CTNNA2: variants seen among roughly 807,000 people sequenced by gnomAD.
CTNNA2 encodes catenin alpha-2.
Under a neutral mutation model 101.0 loss-of-function variants are expected in CTNNA2, and 42 were observed. That is an observed-to-expected ratio of 0.42 (90% CI 0.32 to 0.54). The LOEUF (loss-of-function observed/expected upper bound fraction) is 0.54, where lower values mean the gene tolerates loss of function less well. Among genes scored for constraint, CTNNA2 ranks in the 20% least tolerant of loss-of-function variants. CTNNA2 has a pLI of 0.14. For missense variants in CTNNA2, 871 were observed against 1,223.1 expected (o/e 0.71, Z 4.29); for synonymous variants, 450 against 456.4 (o/e 0.99, Z 0.18).
chr2:80,581,214 C>T (rs967675312), intron 13 of CTNNA2, among the ~76,000 whole-genome samples: 2 of 152,098 alleles, frequency 1.3e-5, no homozygotes, highest in African/African-American at 4.8e-5. Flanking sequence ...GGCTCATATT[C>T]AGGCAGTCTT....
At chr2:79,962,857 G>T (rs1460348800) in intron 7 of CTNNA2, among the ~76,000 whole-genome samples, 2 of 152,028 alleles carry the variant, frequency 1.3e-5, no homozygotes, top group Non-Finnish European at 2.9e-5. Context: ...GGATCACGAG[G>T]TCAGGAGATC....
At chr2:80,528,397 C>T (rs571449309) in intron 9 of CTNNA2, among the ~76,000 whole-genome samples, 2 of 152,176 alleles carry the variant, frequency 1.3e-5, no homozygotes, top group East Asian at 3.9e-4. Flanking sequence ...GGGGTTTCAC[C>T]GTGTTAGTCA....
At chr2:80,385,667 C>T (rs1016410830) in intron 7 of CTNNA2, among the ~76,000 whole-genome samples, 1 of 152,124 alleles carries the variant, frequency 6.6e-6, no homozygotes, top group African/African-American at 2.4e-5. Context: ...TCCAATTCTT[C>T]ATCCCTTTCT....
chr2:80,608,765 T>G (rs1467189606), intron 17 of CTNNA2, among the ~76,000 whole-genome samples: 1 of 151,868 alleles, frequency 6.6e-6, no homozygotes, highest in Non-Finnish European at 1.5e-5. Flanking sequence ...CAGGTTCCAA[T>G]GCATACTAGG....
At chr2:79,692,203 G>A (rs976765964) in intron 2 of CTNNA2, among the ~76,000 whole-genome samples, 3 of 152,038 alleles carry the variant, frequency 2.0e-5, no homozygotes, top group Admixed American at 6.6e-5. Flanking sequence ...TCAAAAAGTG[G>A]GTGAAGGATA....
intron 7 of CTNNA2, among the ~76,000 whole-genome samples, chr2:80,062,984 C>T (rs1021072455): frequency 8.5e-5 from 13 of 152,250 alleles, no homozygotes; most frequent in South Asian, 6.2e-4. Context: ...GGATTACAGG[C>T]GTGAGCCACC....
At chr2:80,539,349 G>T (rs1558564650) in intron 9 of CTNNA2, among the ~76,000 whole-genome samples, 1 of 138,818 alleles carries the variant, frequency 7.2e-6, no homozygotes. Flanking sequence ...GTTCTTTCTA[G>T]TTCTGCTAAT....
chr2:80,300,766 A>T (rs1411678936), intron 7 of CTNNA2, among the ~76,000 whole-genome samples: 1 of 152,154 alleles, frequency 6.6e-6, no homozygotes, highest in East Asian at 1.9e-4. Flanking sequence ...ACATTTGCTT[A>T]AATTGTCATC....
intron 4 of CTNNA2, among the ~76,000 whole-genome samples, chr2:79,493,549 G>T (rs1405702812): frequency 6.6e-6 from 1 of 152,146 alleles, no homozygotes; most frequent in Non-Finnish European, 1.5e-5. Flanking sequence ...CCGGGAGGCG[G>T]AGGTTGCAGT....
At position 79,627,328 on chromosome 2, in the gene CTNNA2, G is replaced by C. The variant is rs78022180; in HGVS notation, c.-5-24224G>C. Among the ~76,000 whole-genome samples the C allele has an allele frequency of 7.6e-3, 1,164 of 152,338 alleles. 46 individuals carry two copies. In the East Asian group the frequency reaches 0.097, roughly 13 times the overall value. On this transcript the variant is annotated intron_variant, in intron 1 of 18. Coordinates refer to ENST00000402739, the MANE Select transcript of CTNNA2 (RefSeq NM_001282597.3). ...CAGTACGAATCCAGGGAGTGAAGAA[G>C]CTCCCAGAGCTGTTTGAAATGTGCC...
chr2:80,016,808 G>A (rs1694183335), intron 7 of CTNNA2, among the ~76,000 whole-genome samples: 2 of 152,158 alleles, frequency 1.3e-5, no homozygotes, highest in Non-Finnish European at 2.9e-5. Flanking sequence ...TCCAATTAAA[G>A]TTCATTTGTA....
At chr2:79,783,544 ACT>A (rs1193809465) in intron 3 of CTNNA2, among the ~76,000 whole-genome samples, 1 of 151,874 alleles carries the variant, frequency 6.6e-6, no homozygotes, top group Non-Finnish European at 1.5e-5. Flanking sequence ...CTTTTGTTAA[ACT>A]CTGCAGAGGA....
At chr2:79,645,323 A>G (rs1680744003) in intron 1 of CTNNA2, among the ~76,000 whole-genome samples, 1 of 152,044 alleles carries the variant, frequency 6.6e-6, no homozygotes, top group Non-Finnish European at 1.5e-5. Flanking sequence ...AACTTTCTCT[A>G]CTGTTTTATA....
intron 7 of CTNNA2, among the ~76,000 whole-genome samples, chr2:80,082,625 C>CCA (rs1699219932): frequency 1.3e-5 from 2 of 151,894 alleles, no homozygotes; most frequent in African/African-American, 4.8e-5. Flanking sequence ...TTTTAAAATT[C>CCA]AAAATAAGTG....
intron 9 of CTNNA2, among the ~76,000 whole-genome samples, chr2:80,483,110 A>G (rs1346215088): frequency 6.6e-6 from 1 of 152,162 alleles, no homozygotes; most frequent in African/African-American, 2.4e-5. Context: ...GCTGTACAAT[A>G]GTATTAGTGT....
chr2:80,076,907 G>T (rs571970278), intron 7 of CTNNA2, among the ~76,000 whole-genome samples: 2 of 151,884 alleles, frequency 1.3e-5, no homozygotes, highest in African/African-American at 4.8e-5. Context: ...AAAAATTAGC[G>T]TGGTGGTGGG....
intron 9 of CTNNA2, among the ~76,000 whole-genome samples, chr2:80,483,371 T>C (rs2149503503): frequency 7.6e-6 from 1 of 132,242 alleles, no homozygotes; most frequent in Admixed American, 7.3e-5. Flanking sequence ...TGTTGTTTTA[T>C]ATATATATAT....
chr2:79,650,173 C>CGGG (rs60282355), intron 1 of CTNNA2, among the ~76,000 whole-genome samples: 9 of 76,796 alleles, frequency 1.2e-4, no homozygotes, highest in Non-Finnish European at 1.7e-4. Flanking sequence ...TATACTTTTT[C>CGGG]GGGGGGGGGG....
intron 7 of CTNNA2, among the ~76,000 whole-genome samples, chr2:79,988,979 G>A (rs968332765): frequency 2.0e-5 from 3 of 152,174 alleles, no homozygotes; most frequent in Non-Finnish European, 4.4e-5. Context: ...GAATACTTTA[G>A]CCTCTAACTG....
Sources: gnomAD v4.1 joint callset for allele counts (sites outside exome capture counted in the v4.1 genomes callset) on GRCh38, gnomAD v4.1.1 for gene constraint, MANE v1.5 for transcripts, NCBI Gene and HGNC (gene_info 2026-07-23, HGNC 2026-07-21) for gene names.